Variants in ITPR1 observed in about 807,000 individuals in gnomAD.
ITPR1 encodes inositol 1,4,5-trisphosphate-gated calcium channel ITPR1.
ITPR1 carries 96 observed loss-of-function variants against 318.4 expected under a neutral mutation model. The ratio of observed to expected loss-of-function variants is 0.30; its 90% CI spans 0.26 to 0.36. The LOEUF (loss-of-function observed/expected upper bound fraction) is 0.36. ITPR1 is among the 10% of genes least tolerant of loss of function. The pLI is 1.00. For missense variants in ITPR1, 2,440 were observed against 3,460.2 expected (o/e 0.71, Z 7.40); for synonymous variants, 1,312 against 1,289.9 (o/e 1.02, Z -0.37).
At chr3:4,815,495 T>C (rs1386604344) in intron 59 of ITPR1, among the ~76,000 whole-genome samples, 1 of 152,186 alleles carries the variant, frequency 6.6e-6, no homozygotes, top group Admixed American at 6.5e-5. Context: ...CTTTAATCCT[T>C]CTTTCTTCAT....
At position 4,636,833 on chromosome 3, in the gene ITPR1, A is replaced by G. The variant is rs112937631; in HGVS notation, c.280-2551A>G. On this transcript the variant is annotated intron_variant, in intron 5 of 61. Transcript: ENST00000649015. ...TTCATATGTCTTTTGACAAATGACT[A>G]TGCTCTTTAGAGCTGCTCGTGTTTA... 3.1e-3 allele frequency among the ~76,000 whole-genome samples: 472 copies of G among 152,348 alleles called. 6 individuals are homozygous for G. The highest frequency in any genetic ancestry group is 0.011 in the African/African-American group (446 of 41,580).
chr3:4,779,509 C>A lies in ITPR1; in HGVS notation c.6292-41C>A, dbSNP rs752122658. The A allele has an allele frequency of 3.4e-6, 5 of 1,489,234 alleles. No individual in the cohort carries two copies. The highest frequency in any genetic ancestry group is 1.1e-5 in the South Asian group (1 of 88,494). 92.3% of individuals were successfully genotyped at this position (1,489,234 alleles called of 1,614,324 possible). A position where few individuals can be genotyped will look rare whatever the true frequency, so the allele number is the denominator to read the frequency against. On this transcript the variant is annotated intron_variant, in intron 48 of 61. Transcript: ENST00000649015. This position sits in a 1 kb window ranked among gnomAD's most constrained non-coding sequence, Gnocchi z 4.0. ...CCTGCATTCAGGCCGGGCCCCCAAG[C>A]AGCCCCTCTACATTTCCTCTCCCTT...
intron 2 of ITPR1, among the ~76,000 whole-genome samples, chr3:4,514,099 A>C (rs2082023014): frequency 6.6e-6 from 1 of 151,926 alleles, no homozygotes; most frequent in South Asian, 2.1e-4. Flanking sequence ...AAAAAAAAAA[A>C]AGTCTGATAG....
At position 4,693,724 on chromosome 3, in the gene ITPR1, G is replaced by A. The variant is rs749426335; in HGVS notation, c.4264G>A (p.Glu1422Lys). 5.0e-6 allele frequency: 8 copies of A among 1,612,754 alleles called. No individual in the cohort carries two copies. The highest frequency in any genetic ancestry group is 3.3e-5 in the South Asian group (3 of 90,960). ...LDDIVRVVTH[E>K]DCIPEVKIAY... is the part of the protein sequence containing the mutation. ...TGACATCGTTCGCGTGGTGACCCACGAGGACTGCATCCCTGAGGTGAGCGA... is the reference window on the plus strand; with the variant it reads ...TGACATCGTTCGCGTGGTGACCCACAAGGACTGCATCCCTGAGGTGAGCGA... The change falls in exon 33 of 62, where the codon GAG (glutamate) becomes AAG (lysine). Residue 1422 changes from glutamate (E) to lysine (K), a missense_variant. This residue lies in a region of ITPR1 where 222 missense variants were observed against 318.8 expected (regional missense o/e 0.70). Coordinates refer to ENST00000649015, the MANE Select transcript of ITPR1 (RefSeq NM_001378452.1).
chr3:4,620,425 C>T (rs543936744), intron 4 of ITPR1, among the ~76,000 whole-genome samples: 24 of 152,252 alleles, frequency 1.6e-4, no homozygotes, highest in Admixed American at 1.0e-3. Flanking sequence ...TCCAATCCTC[C>T]GTTACTGGTC....
chr3:4,626,798 A>G (rs1012016118), intron 4 of ITPR1, among the ~76,000 whole-genome samples: 2 of 152,082 alleles, frequency 1.3e-5, no homozygotes, highest in African/African-American at 4.8e-5. Flanking sequence ...GCCCTAGGAG[A>G]GCCCTCCAAA....
At chr3:4,517,225 G>A (rs948917967) in intron 3 of ITPR1, among the ~76,000 whole-genome samples, 1 of 152,148 alleles carries the variant, frequency 6.6e-6, no homozygotes, top group African/African-American at 2.4e-5. Context: ...TTGTCTAGAA[G>A]AGGAAATGAG....
rs868323338 is a variant in ITPR1, at chr3:4,735,173, C to T, written c.5363C>T (p.Ser1788Phe). 6.2e-7 allele frequency: 1 copy of T among 1,612,624 alleles called. No homozygotes were observed. ...TATTCCATCTTCTTAGGGGGAGGTT[C>T]CGGATCCAGCTCTATGAGCAGGGGT... ...PGKPGGGGGG[S>F]GSSSMSRGEM... Residue 1788 changes from serine (S) to phenylalanine (F), a missense_variant, in exon 44 of 62, where the codon TCC becomes TTC. Transcript: ENST00000649015.
At chr3:4,806,597 G>A (rs771052074) in intron 55 of ITPR1, among the ~76,000 whole-genome samples, 3 of 151,336 alleles carry the variant, frequency 2.0e-5, no homozygotes, top group South Asian at 2.1e-4. Context: ...AGACTCAGCC[G>A]CACTTACACC....
intron 4 of ITPR1, 50 bp from the exon 5 acceptor site, chr3:4,627,705 TAGGCTGAG>T: frequency 2.0e-6 from 2 of 998,200 alleles, no homozygotes; most frequent in African/African-American, 1.6e-5. Context: ...TTTTTTTCCT[TAGGCTGAG>T]TCTCTATACA....
chr3:4,803,119 G>A (rs1312105924), intron 54 of ITPR1, among the ~76,000 whole-genome samples: 2 of 152,184 alleles, frequency 1.3e-5, no homozygotes, highest in South Asian at 2.1e-4. Context: ...AGTTGGAGCT[G>A]GAACAGGAGG....
chr3:4,574,227 G>GA (rs1197382566), intron 4 of ITPR1, among the ~76,000 whole-genome samples: 3 of 143,758 alleles, frequency 2.1e-5, no homozygotes, highest in South Asian at 4.4e-4. Flanking sequence ...GCCTCTTATT[G>GA]AAAAAAAAAT....
chr3:4,732,394 T>C (rs1366705425), intron 42 of ITPR1, among the ~76,000 whole-genome samples: 1 of 152,208 alleles, frequency 6.6e-6, no homozygotes, highest in Non-Finnish European at 1.5e-5. Flanking sequence ...TCATGCCCAC[T>C]CTTGTCTCAC....
At chr3:4,814,940 C>T in intron 58 of ITPR1, 113 bp from the exon 59 acceptor site, 4 of 877,314 alleles carry the variant, frequency 4.6e-6, no homozygotes, top group Non-Finnish European at 7.2e-6. Context: ...AAGTTGAATG[C>T]CCAATTTAAT....
intron 3 of ITPR1, among the ~76,000 whole-genome samples, chr3:4,519,954 TG>T (rs2082436495): frequency 6.6e-6 from 1 of 151,894 alleles, no homozygotes; most frequent in South Asian, 2.1e-4. Flanking sequence ...GTGGAGAAGG[TG>T]GGGCTCTTAC....
chr3:4,820,004 A>T, intron 60 of ITPR1, among the ~76,000 whole-genome samples: 1 of 152,292 alleles, frequency 6.6e-6, no homozygotes, highest in East Asian at 1.9e-4. Flanking sequence ...CATGTCGTTG[A>T]TAGGAAACCG....
chr3:4,669,644 TTC>T lies in ITPR1; in HGVS notation c.1887-8_1887-7del, dbSNP rs751498412. ...TCTACAGAAAATGTTTTGTTTCTGTTTCTGTTTAGATTCTTAGATTACCTCTC... is the reference window on the plus strand; with the variant it reads ...TCTACAGAAAATGTTTTGTTTCTGTTTGTTTAGATTCTTAGATTACCTCTC... On this transcript the variant is annotated splice_polypyrimidine_tract_variant and splice_region_variant and intron_variant, in intron 18 of 61. Transcript: ENST00000649015. The T allele has an allele frequency of 1.9e-6, 3 of 1,608,448 alleles. No individual in the cohort carries two copies. In the South Asian group the frequency reaches 3.3e-5, roughly 18 times the overall value.
chr3:4,727,037 C>T (rs767691098), intron 41 of ITPR1, 89 bp from the exon 42 acceptor site: 34 of 1,077,364 alleles, frequency 3.2e-5, no homozygotes, highest in Non-Finnish European at 4.5e-5. Context: ...TATATATGAA[C>T]TCTCAATGTA....
intron 4 of ITPR1, among the ~76,000 whole-genome samples, chr3:4,617,384 A>C (rs1276788942): frequency 1.3e-5 from 2 of 152,144 alleles, no homozygotes; most frequent in African/African-American, 4.8e-5. Flanking sequence ...TATTTCAAAT[A>C]CTGCATCCTG....
Sources: gnomAD v4.1 joint callset for allele counts (sites outside exome capture counted in the v4.1 genomes callset) on GRCh38, gnomAD v4.1.1 for gene constraint, gnomAD v4.1.1 regional missense constraint, Gnocchi (gnomAD v3.1) non-coding constraint, MANE v1.5 for transcripts, NCBI Gene and HGNC (gene_info 2026-07-23, HGNC 2026-07-21) for gene names.